Variants in TNS3 observed in about 807,000 individuals in gnomAD.
TNS3 encodes the protein tensin 3, also known as tensin-3.
A neutral mutation model predicts 140.9 loss-of-function variants in TNS3; 45 were observed. That is an observed-to-expected ratio of 0.32 (90% confidence interval 0.25 to 0.41). TNS3 has a LOEUF of 0.41. TNS3 is among the 10% of genes least tolerant of loss of function. The probability of loss-of-function intolerance (pLI) is 1.00; values close to 1 mark genes in which losing one functional copy is unlikely to be tolerated. For synonymous variants in TNS3, 815 were observed against 788.4 expected, an observed-to-expected ratio of 1.03 and a Z score of -0.56; for missense variants, 1,716 against 1,906.7, an observed-to-expected ratio of 0.90 and a Z score of 1.86.
At chr7:47,280,211 A>C (rs1310131111) in intron 29 of TNS3, 21 bp from the exon 30 acceptor site, 1 of 1,614,184 alleles carries the variant, frequency 6.2e-7, no homozygotes, top group Non-Finnish European at 8.5e-7. Context: ...AAAGAGAAAA[A>C]CAGAGGTTAA....
At chr7:47,341,370 C>T (rs1051932535) in intron 20 of TNS3, among the ~76,000 whole-genome samples, 18 of 152,078 alleles carry the variant, frequency 1.2e-4, no homozygotes, top group African/African-American at 4.3e-4. Context: ...CTGAAGATTT[C>T]TTTTTTGGGA....
intron 1 of TNS3, among the ~76,000 whole-genome samples, chr7:47,531,569 A>G (rs1347298607): frequency 5.3e-5 from 8 of 152,256 alleles, no homozygotes; most frequent in African/African-American, 1.9e-4. Context: ...TTTAAAGCTC[A>G]CCAAAAGATA....
At position 47,389,894 on chromosome 7, in the gene TNS3, G is replaced by A. The variant is rs117607806; in HGVS notation, c.1024+6906C>T. ...ACAGGACTACCCGCCCATCTGGCCCGTTTCTGTCTCATACAACTTCAGTTG... is the reference window on the plus strand; with the variant it reads ...ACAGGACTACCCGCCCATCTGGCCCATTTCTGTCTCATACAACTTCAGTTG... On this transcript the variant is annotated intron_variant, in intron 16 of 30. Coordinates refer to ENST00000311160, the MANE Select transcript of TNS3 (RefSeq NM_022748.12). 5.0e-3 allele frequency among the ~76,000 whole-genome samples: 762 copies of A among 152,330 alleles called. 3 individuals carry two copies. The highest frequency in any genetic ancestry group is 9.0e-3 in the Non-Finnish European group (612 of 68,032).
chr7:47,309,761 C>CCTTAT (rs1181354100), intron 20 of TNS3, among the ~76,000 whole-genome samples: 8 of 152,148 alleles, frequency 5.3e-5, no homozygotes, highest in Non-Finnish European at 1.2e-4. Context: ...ATCTGTAAAC[C>CCTTAT]CTTATCTATC....
At chr7:47,411,650 A>G in intron 13 of TNS3, 77 bp downstream of exon 13, 2 of 1,461,898 alleles carry the variant, frequency 1.4e-6, no homozygotes, top group Non-Finnish European at 9.4e-7. Context: ...CTGTTTTAAC[A>G]CAGAATCATG....
intron 16 of TNS3, among the ~76,000 whole-genome samples, chr7:47,395,882 C>T: frequency 6.6e-6 from 1 of 152,208 alleles, no homozygotes; most frequent in East Asian, 1.9e-4. Context: ...GCAAGCTTTT[C>T]CCCAGGACAA....
In TNS3 at chr7:47,332,058, G is replaced by C. The variant is rs185872857; in HGVS notation, c.2650+12697C>G. On this transcript the variant is annotated intron_variant, in intron 20 of 30. Coordinates refer to ENST00000311160, the MANE Select transcript of TNS3 (RefSeq NM_022748.12). ...GTGACTCAAGACATCTGACCCTTCT[G>C]CAAGTCTCACAATCCCAGACCCTCC... Among the ~76,000 whole-genome samples, 565 of 152,316 alleles carry C rather than the reference G, an allele frequency of 3.7e-3. 3 individuals carry two copies. The highest frequency in any genetic ancestry group is 0.013 in the African/African-American group (520 of 41,570).
chr7:47,574,647 A>ACACACC (rs776066649), intron 1 of TNS3, among the ~76,000 whole-genome samples: 1 of 146,654 alleles, frequency 6.8e-6, no homozygotes, highest in Non-Finnish European at 1.5e-5. Context: ...ACACACACAC[A>ACACACC]CCCCCACACA....
intron 13 of TNS3, among the ~76,000 whole-genome samples, chr7:47,404,402 T>C (rs1199382825): frequency 1.3e-5 from 2 of 152,212 alleles, no homozygotes; most frequent in Non-Finnish European, 2.9e-5. Flanking sequence ...AATAATGATA[T>C]GCTATATTTA....
In TNS3 at chr7:47,369,297, T is replaced by C. The variant is rs760011411; in HGVS notation, c.1349A>G (p.Lys450Arg). 10 of 1,614,178 alleles carry C rather than the reference T, an allele frequency of 6.2e-6. No homozygotes were observed. The South Asian group carries it at 8.8e-5, about 14-fold the overall frequency. Reference sequence around the variant, plus strand: ...CACCACGTGGCGGGTCCCACTGTACTTGCTTCGAGCATCAGTCATTTCCTT... The same window carrying C: ...CACCACGTGGCGGGTCCCACTGTACCTGCTTCGAGCATCAGTCATTTCCTT... ...SLKEMTDARS[K>R]YSGTRHVVPA... Residue 450 changes from lysine (K) to arginine (R), a missense_variant, in exon 17 of 31, where the codon AAG (lysine) becomes AGG (arginine). Transcript: ENST00000311160.
At chr7:47,400,969 C>T in intron 13 of TNS3, 55 bp from the exon 14 acceptor site, 1 of 1,607,668 alleles carries the variant, frequency 6.2e-7, no homozygotes, top group South Asian at 1.1e-5. Flanking sequence ...ACACACGTTC[C>T]CGGCAAGGAA....
At chr7:47,340,255 C>G (rs924772159) in intron 20 of TNS3, among the ~76,000 whole-genome samples, 7 of 147,654 alleles carry the variant, frequency 4.7e-5, no homozygotes, top group African/African-American at 1.7e-4. Flanking sequence ...CCTGAATAGC[C>G]GGGATTACAG....
intron 11 of TNS3, among the ~76,000 whole-genome samples, 170 bp downstream of exon 11, chr7:47,414,924 A>T (rs193045701): frequency 6.6e-6 from 1 of 152,062 alleles, no homozygotes; most frequent in Non-Finnish European, 1.5e-5. Context: ...CCACATAAAC[A>T]TGGGGCTCTG....
chr7:47,493,485 G>T (rs1397358303), intron 3 of TNS3, among the ~76,000 whole-genome samples: 1 of 152,072 alleles, frequency 6.6e-6, no homozygotes, highest in East Asian at 1.9e-4. Flanking sequence ...ATCACATGAT[G>T]AACAGTTTGG....
At chr7:47,283,002 G>GGCTGCTGCCATCAT (rs1425182806) in intron 28 of TNS3, among the ~76,000 whole-genome samples, 11 of 152,174 alleles carry the variant, frequency 7.2e-5, no homozygotes, top group South Asian at 4.2e-4. Context: ...CTGCTGTGAT[G>GGCTGCTGCCATCAT]GCTGCTGCCA....
intron 13 of TNS3, among the ~76,000 whole-genome samples, chr7:47,411,375 C>T (rs559749303): frequency 2.4e-4 from 37 of 152,296 alleles, no homozygotes; most frequent in Admixed American, 1.6e-3. Context: ...TGAAACTGTT[C>T]CACCTCAGAT....
At chr7:47,375,818 A>T (rs574858489) in intron 16 of TNS3, among the ~76,000 whole-genome samples, 1 of 152,314 alleles carries the variant, frequency 6.6e-6, no homozygotes, top group African/African-American at 2.4e-5. Flanking sequence ...AAAAATATTC[A>T]TCACTGATGT....
chr7:47,452,600 G>A (rs1216052541), intron 4 of TNS3, among the ~76,000 whole-genome samples: 1 of 152,222 alleles, frequency 6.6e-6, no homozygotes, highest in Non-Finnish European at 1.5e-5. Context: ...CATATGGAAG[G>A]AGGCAGCTCA....
At chr7:47,490,752 G>A (rs537447420) in intron 3 of TNS3, among the ~76,000 whole-genome samples, 2 of 152,314 alleles carry the variant, frequency 1.3e-5, no homozygotes, top group Admixed American at 1.3e-4. Flanking sequence ...CAGTCCCCCT[G>A]TCAGCACCAC....
Sources: allele counts gnomAD v4.1 joint callset (sites outside exome capture counted in the v4.1 genomes callset), GRCh38; gene constraint gnomAD v4.1.1; transcripts MANE v1.5; gene names NCBI Gene and HGNC (gene_info 2026-07-23, HGNC 2026-07-21).